The following DSCAM variants were observed in gnomAD, a reference collection of about 807,000 sequenced individuals.
The protein encoded by DSCAM is DS cell adhesion molecule.
A neutral mutation model predicts 217.7 loss-of-function variants in DSCAM; 47 were observed. That is an observed-to-expected ratio of 0.22 (90% CI 0.17 to 0.28). DSCAM has a LOEUF of 0.28. DSCAM is among the 10% of genes least tolerant of loss of function. DSCAM has a pLI of 1.00. For missense variants in DSCAM, 2,080 were observed against 2,618.3 expected, an observed-to-expected ratio of 0.79 and a Z score of 4.49; for synonymous variants, 1,056 against 1,015.3, an observed-to-expected ratio of 1.04 and a Z score of -0.76.
chr21:40,662,641 A>T (rs2090150798), intron 3 of DSCAM, among the ~76,000 whole-genome samples: 1 of 152,160 alleles, frequency 6.6e-6, no homozygotes, highest in African/African-American at 2.4e-5. Flanking sequence ...ATATGCTGGA[A>T]CCCTGTTCCC....
intron 20 of DSCAM, among the ~76,000 whole-genome samples, chr21:40,101,793 G>A (rs116542231): frequency 7.9e-5 from 12 of 152,036 alleles, no homozygotes; most frequent in African/African-American, 2.4e-4. Context: ...TGGTGGGGGG[G>A]GGTCCAGGCA....
At chr21:40,783,884 T>C (rs1203211445) in intron 1 of DSCAM, among the ~76,000 whole-genome samples, 1 of 152,116 alleles carries the variant, frequency 6.6e-6, no homozygotes, top group African/African-American at 2.4e-5. Flanking sequence ...AAAAATCGCA[T>C]TCTTCTCTTT....
At chr21:40,484,113 T>G (rs931596152) in intron 3 of DSCAM, among the ~76,000 whole-genome samples, 7 of 152,210 alleles carry the variant, frequency 4.6e-5, no homozygotes, top group Non-Finnish European at 2.9e-5. Context: ...ACTCATCTAA[T>G]CTTCAGCAGG....
At chr21:40,508,056 G>T (rs1018884295) in intron 3 of DSCAM, among the ~76,000 whole-genome samples, 1 of 152,200 alleles carries the variant, frequency 6.6e-6, no homozygotes, top group Non-Finnish European at 1.5e-5. Flanking sequence ...CCTACATGGA[G>T]AGAGTATGTT....
At chr21:40,068,285 G>T (rs1203823064) in intron 27 of DSCAM, among the ~76,000 whole-genome samples, 1 of 152,124 alleles carries the variant, frequency 6.6e-6, no homozygotes, top group Non-Finnish European at 1.5e-5. Context: ...TTTGGGTGGC[G>T]AGTGGAAGGG....
At chr21:40,620,261 G>A (rs1306421088) in intron 3 of DSCAM, among the ~76,000 whole-genome samples, 9 of 43,652 alleles carry the variant, frequency 2.1e-4, no homozygotes, top group South Asian at 7.7e-4. Context: ...AGAGAAAAAA[G>A]AAAAAGAAAG....
chr21:40,266,748 G>GATATATATCATC (rs2073539913), intron 11 of DSCAM, among the ~76,000 whole-genome samples: 1 of 103,194 alleles, frequency 9.7e-6, no homozygotes, highest in East Asian at 2.5e-4. Flanking sequence ...ATATATGTTA[G>GATATATATCATC]ATATATATCA....
At chr21:40,167,959 G>T (rs961711038) in intron 15 of DSCAM, among the ~76,000 whole-genome samples, 1 of 152,172 alleles carries the variant, frequency 6.6e-6, no homozygotes, top group African/African-American at 2.4e-5. Context: ...AGCTACTCGG[G>T]AGGCTGAGGT....
intron 3 of DSCAM, among the ~76,000 whole-genome samples, chr21:40,429,958 A>C (rs2075514686): frequency 6.6e-6 from 1 of 152,252 alleles, no homozygotes; most frequent in Non-Finnish European, 1.5e-5. Context: ...ATGACCAAGA[A>C]AAGAGCCTTC....
At chr21:40,737,265 T>C (rs1333850109) in intron 1 of DSCAM, among the ~76,000 whole-genome samples, 1 of 152,192 alleles carries the variant, frequency 6.6e-6, no homozygotes, top group Non-Finnish European at 1.5e-5. Flanking sequence ...CAAGTGTATA[T>C]ATATAAAAAA....
intron 9 of DSCAM, among the ~76,000 whole-genome samples, chr21:40,304,076 T>C (rs947883071): frequency 6.6e-6 from 1 of 152,216 alleles, no homozygotes; most frequent in African/African-American, 2.4e-5. Context: ...AGGGAAACCA[T>C]CAGTCCACTG....
chr21:40,317,551 G>A (rs541299700), intron 8 of DSCAM, among the ~76,000 whole-genome samples: 21 of 150,858 alleles, frequency 1.4e-4, no homozygotes, highest in Non-Finnish European at 2.8e-4. Flanking sequence ...TTTTTTAAAC[G>A]GAGTTTTCAC....
intron 9 of DSCAM, among the ~76,000 whole-genome samples, chr21:40,306,242 TTGTC>T (rs1313009589): frequency 3.5e-5 from 5 of 144,550 alleles, no homozygotes; most frequent in Non-Finnish European, 7.4e-5. Flanking sequence ...GGCTCTCTGT[TTGTC>T]TGTTATTGGT....
In DSCAM at chr21:40,023,115, A is replaced by G. The variant is rs1419689535; in HGVS notation, c.5687-9729T>C. Among the ~76,000 whole-genome samples the G allele has an allele frequency of 2.7e-5, 4 of 147,494 alleles. No individual in the cohort carries two copies. In the Admixed American group the frequency reaches 2.8e-4, roughly 10 times the overall value. ...TCAATTCCCACCTATGAGTGAGAAT[A>G]TGTGGTGTTTGGTTTTTTGTTCTTG... On this transcript the variant is annotated intron_variant, in intron 32 of 32. Coordinates refer to ENST00000400454, the MANE Select transcript of DSCAM (RefSeq NM_001389.5).
intron 3 of DSCAM, among the ~76,000 whole-genome samples, chr21:40,420,058 A>G (rs2075408499): frequency 1.3e-5 from 2 of 152,172 alleles, no homozygotes; most frequent in South Asian, 4.1e-4. Flanking sequence ...AATAAAACAA[A>G]AAAATTAGGC....
chr21:40,649,110 A>C (rs549986342), intron 3 of DSCAM, among the ~76,000 whole-genome samples: 1 of 59,944 alleles, frequency 1.7e-5, no homozygotes, highest in Non-Finnish European at 4.3e-5. Flanking sequence ...CCTCCCATTA[A>C]GCTAATAGTC....
intron 1 of DSCAM, among the ~76,000 whole-genome samples, chr21:40,715,090 G>A (rs753928387): frequency 3.3e-5 from 5 of 152,156 alleles, no homozygotes; most frequent in Admixed American, 6.5e-5. Flanking sequence ...CCAGAGCCAT[G>A]AGCCAAATAA....
intron 1 of DSCAM, among the ~76,000 whole-genome samples, chr21:40,751,650 G>C (rs879836355): frequency 6.6e-6 from 1 of 152,126 alleles, no homozygotes; most frequent in African/African-American, 2.4e-5. Context: ...AAAGAACATT[G>C]AGGATTAGTT....
intron 29 of DSCAM, among the ~76,000 whole-genome samples, chr21:40,055,399 C>T (rs747867503): frequency 6.6e-5 from 10 of 152,222 alleles, no homozygotes; most frequent in Non-Finnish European, 2.9e-5. Flanking sequence ...GATGTGTAGT[C>T]GATTACAGAT....
Sources: allele counts gnomAD v4.1 joint callset (sites outside exome capture counted in the v4.1 genomes callset), GRCh38; gene constraint gnomAD v4.1.1; transcripts MANE v1.5; gene names NCBI Gene and HGNC (gene_info 2026-07-23, HGNC 2026-07-21).